Variants in SPECC1 observed in about 807,000 individuals in gnomAD.
SPECC1 encodes the protein sperm antigen with calponin homology and coiled-coil domains 1.
In SPECC1, 62 loss-of-function variants were observed where a neutral mutation model predicts 104.1. That is an observed-to-expected ratio of 0.60 (90% CI 0.49 to 0.74). The LOEUF (loss-of-function observed/expected upper bound fraction) is 0.74, where lower values mean the gene tolerates loss of function less well. Ranked by LOEUF, SPECC1 falls within the 30% of genes least tolerant of loss-of-function variation. The pLI, the probability that SPECC1 is intolerant of heterozygous loss-of-function variation, is 0.00. For missense variants in SPECC1, 1,306 were observed against 1,310.5 expected (o/e 1.00, Z 0.05); for synonymous variants, 513 against 501.6 (o/e 1.02, Z -0.30).
chr17:20,304,117 CAAAAAA>C (rs774130653), intron 13 of SPECC1, among the ~76,000 whole-genome samples: 3 of 39,336 alleles, frequency 7.6e-5, no homozygotes, highest in Admixed American at 3.7e-4. Flanking sequence ...ACTAAAAATA[CAAAAAA>C]AAAAAAAAAA....
At chr17:20,197,461 C>A (rs911707066) in intron 3 of SPECC1, among the ~76,000 whole-genome samples, 5 of 151,942 alleles carry the variant, frequency 3.3e-5, no homozygotes, top group African/African-American at 1.2e-4. Flanking sequence ...CGAACTGCTA[C>A]TGTGAAAGTG....
chr17:20,197,404 A>G (rs575815265), intron 3 of SPECC1, among the ~76,000 whole-genome samples: 1 of 152,346 alleles, frequency 6.6e-6, no homozygotes, highest in East Asian at 1.9e-4. Context: ...AGACAAGGTC[A>G]CACAGATATT....
At chr17:20,117,413 T>A (rs1200635111) in intron 3 of SPECC1, among the ~76,000 whole-genome samples, 1 of 152,084 alleles carries the variant, frequency 6.6e-6, no homozygotes, top group African/African-American at 2.4e-5. Context: ...TATAAGAAAC[T>A]TCTTTGCAAA....
intron 5 of SPECC1, among the ~76,000 whole-genome samples, chr17:20,231,544 G>C (rs534017319): frequency 6.6e-6 from 1 of 152,296 alleles, no homozygotes; most frequent in South Asian, 2.1e-4. Flanking sequence ...ATATTTTCCA[G>C]ATCATCCTGT....
chr17:20,122,411 C>G (rs987057985), intron 3 of SPECC1, among the ~76,000 whole-genome samples: 1 of 152,126 alleles, frequency 6.6e-6, no homozygotes, highest in Non-Finnish European at 1.5e-5. Context: ...AGCCATGGCA[C>G]CGGGGAACAG....
chr17:20,128,132 A>G (rs771493644), intron 3 of SPECC1, among the ~76,000 whole-genome samples: 1 of 152,226 alleles, frequency 6.6e-6, no homozygotes, highest in Non-Finnish European at 1.5e-5. Context: ...ACTAGAAGAC[A>G]GATGCTTGTA....
At chr17:20,131,302 C>A (rs188884259) in intron 3 of SPECC1, among the ~76,000 whole-genome samples, 1 of 152,146 alleles carries the variant, frequency 6.6e-6, no homozygotes, top group East Asian at 1.9e-4. Flanking sequence ...AGTGATTCTC[C>A]TGCCTTAGCC....
rs73301563 is a variant in SPECC1 at position 20,179,895 on chromosome 17, G to A, written c.284-24438G>A. Among the ~76,000 whole-genome samples, 938 of 152,298 alleles carry A rather than the reference G, an allele frequency of 6.2e-3. 5 individuals are homozygous for A. The highest frequency in any genetic ancestry group is 0.02 in the African/African-American group (830 of 41,558). On this transcript the variant is annotated intron_variant, in intron 3 of 14. Coordinates refer to ENST00000395527, the MANE Select transcript of SPECC1 (RefSeq NM_001243439.2). ...TAAAGTAAGAATTCTTGGAAGGATC[G>A]TACTGCCTTGGAACATCTAGGAAAT... is the stretch of plus-strand genomic sequence containing the variant.
At chr17:20,044,227 G>A (rs2045445609) in intron 1 of SPECC1, among the ~76,000 whole-genome samples, 1 of 152,020 alleles carries the variant, frequency 6.6e-6, no homozygotes, top group Non-Finnish European at 1.5e-5. Context: ...CTTGCTGAAT[G>A]GGAAGCATTT....
chr17:20,247,969 A>G (rs975134795), intron 9 of SPECC1, among the ~76,000 whole-genome samples: 7 of 152,166 alleles, frequency 4.6e-5, no homozygotes, highest in African/African-American at 1.7e-4. Flanking sequence ...CCATTAAAGG[A>G]GCTTCTGTTT....
In SPECC1 at chr17:20,024,972, A is replaced by G. The variant is rs1324619948; in HGVS notation, c.-22+15548A>G. On this transcript the variant is annotated intron_variant, in intron 1 of 14. Coordinates refer to ENST00000395527, the MANE Select transcript of SPECC1 (RefSeq NM_001243439.2). ...TCTTATTAAACTTTGCACAATGTAG[A>G]TAAAAACCCTACTTCTGTGTGTTCA... is the stretch of plus-strand genomic sequence containing the variant. Among the ~76,000 whole-genome samples the G allele has an allele frequency of 2.0e-5, 3 of 152,210 alleles. No homozygotes were observed. In the East Asian group the frequency reaches 5.8e-4, roughly 29 times the overall value.
At chr17:20,127,988 T>C (rs1430042339) in intron 3 of SPECC1, among the ~76,000 whole-genome samples, 1 of 152,096 alleles carries the variant, frequency 6.6e-6, no homozygotes, top group Non-Finnish European at 1.5e-5. Context: ...TATCCTAAAA[T>C]GAAATTCACC....
At chr17:20,133,904 G>A (rs947228893) in intron 3 of SPECC1, among the ~76,000 whole-genome samples, 20 of 152,060 alleles carry the variant, frequency 1.3e-4, no homozygotes, top group African/African-American at 3.9e-4. Context: ...GCGTTCAGAC[G>A]CACTCTTTTT....
At chr17:20,238,030 C>G (rs1453538574) in intron 7 of SPECC1, 3 of 1,020,512 alleles carry the variant, frequency 2.9e-6, no homozygotes, top group Middle Eastern at 4.6e-4. Flanking sequence ...GCTTGAGACC[C>G]CATGTCTGGC....
intron 3 of SPECC1, among the ~76,000 whole-genome samples, chr17:20,190,097 G>A (rs1421985940): frequency 7.2e-6 from 1 of 138,186 alleles, no homozygotes; most frequent in Non-Finnish European, 1.5e-5. Context: ...CAGTCCAGCT[G>A]TGGAAAAAAC....
chr17:20,205,489 AAG>A lies in SPECC1; in HGVS notation c.1446_1447del (p.Lys483AlafsTer11). ...TGILEQGRFE[R>X]EKLLNIQQQL... Reference sequence around the variant, plus strand: ...GTATTCTTGAACAGGGCCGCTTTGAAAGAGAGAAGCTACTCAACATTCAGCAG... The same window carrying A: ...GTATTCTTGAACAGGGCCGCTTTGAAAGAGAAGCTACTCAACATTCAGCAG... On this transcript the variant is annotated frameshift_variant, in exon 4 of 15. Coordinates refer to ENST00000395527, the MANE Select transcript of SPECC1 (RefSeq NM_001243439.2). LOFTEE classifies it high-confidence loss of function. 6.2e-7 allele frequency: 1 copy of A among 1,614,154 alleles called. No homozygotes were observed. The highest frequency in any genetic ancestry group is 8.5e-7 in the Non-Finnish European group (1 of 1,180,016).
intron 3 of SPECC1, chr17:20,126,280 T>C (rs11868116): frequency 0.57 from 86,012 of 151,512 alleles, 25,014 homozygotes; most frequent in Middle Eastern, 0.63. Context: ...TCTCTTCTTC[T>C]CTCCCTTCAT....
intron 4 of SPECC1, among the ~76,000 whole-genome samples, chr17:20,215,783 T>A (rs1226668239): frequency 6.6e-6 from 1 of 152,248 alleles, no homozygotes; most frequent in African/African-American, 2.4e-5. Flanking sequence ...TAATGTTGGG[T>A]AATCTATAAA....
chr17:20,069,272 A>G (rs990276052), intron 1 of SPECC1, among the ~76,000 whole-genome samples: 1 of 152,244 alleles, frequency 6.6e-6, no homozygotes, highest in African/African-American at 2.4e-5. Context: ...ATGTCCCTAT[A>G]AAGGACGTGA....
Sources: allele counts gnomAD v4.1 joint callset (sites outside exome capture counted in the v4.1 genomes callset), GRCh38; gene constraint gnomAD v4.1.1; transcripts MANE v1.5; gene names NCBI Gene and HGNC (gene_info 2026-07-23, HGNC 2026-07-21).